Variants in UGT1A10 observed in about 807,000 individuals in gnomAD.
The protein encoded by UGT1A10 is UDP glucuronosyltransferase family 1 member A10, also known as UDP-glucuronosyltransferase 1A10.
A neutral mutation model predicts 45.8 loss-of-function variants in UGT1A10; 49 were observed. The ratio of observed to expected loss-of-function variants is 1.07; its 90% confidence interval spans 0.85 to 1.36. The LOEUF (loss-of-function observed/expected upper bound fraction) is 1.36, where lower values mean the gene tolerates loss of function less well. Ranked by LOEUF, UGT1A10 falls within the 40% of genes most tolerant of loss-of-function variation. The pLI, the probability that UGT1A10 is intolerant of heterozygous loss-of-function variation, is 0.00. For missense variants in UGT1A10, 745 were observed against 668.6 expected, an observed-to-expected ratio of 1.11 and a Z score of -1.26; for synonymous variants, 284 against 249.7, an observed-to-expected ratio of 1.14 and a Z score of -1.29.
At chr2:233,748,877 GAAT>G (rs1390549231) in intron 1 of UGT1A10, among the ~76,000 whole-genome samples, 4 of 151,560 alleles carry the variant, frequency 2.6e-5, no homozygotes, top group Non-Finnish European at 4.4e-5. Flanking sequence ...GGACGGTGAT[GAAT>G]GGACATGTGT....
chr2:233,669,631 G>A lies in UGT1A10; in HGVS notation c.855+32254G>A, dbSNP rs114850020. 3.1e-3 allele frequency among the ~76,000 whole-genome samples: 474 copies of A among 152,228 alleles called. 4 individuals carry two copies. The highest frequency in any genetic ancestry group is 0.011 in the African/African-American group (452 of 41,544). ...GACCCTTGAAGAATGTGAGGATTGA[G>A]GTACCAACCCCCGAGCAGTAAAAAA... On this transcript the variant is annotated intron_variant, in intron 1 of 4. Coordinates refer to ENST00000344644, the MANE Select transcript of UGT1A10 (RefSeq NM_019075.4).
chr2:233,693,721 A>G (rs747606034), intron 1 of UGT1A10: 3 of 1,614,178 alleles, frequency 1.9e-6, no homozygotes, highest in Non-Finnish European at 2.5e-6. Context: ...TCCTCAAGAG[A>G]GATGTGGATA....
intron 1 of UGT1A10, chr2:233,691,728 C>A: frequency 1.2e-6 from 1 of 804,008 alleles, no homozygotes; most frequent in Non-Finnish European, 1.5e-6. Context: ...GGTGGCTGGG[C>A]CAGAAGCAGA....
At chr2:233,768,733 C>T (rs748503352) in intron 4 of UGT1A10, among the ~76,000 whole-genome samples, 3 of 151,708 alleles carry the variant, frequency 2.0e-5, no homozygotes, top group Admixed American at 6.6e-5. Context: ...CAGGTGTCCA[C>T]CACCACGCCC....
rs1692738477 is a variant in UGT1A10, at chr2:233,744,224, A to C, written c.856-22810A>C. Reference sequence around the variant, plus strand: ...ATGGGAAAAAGAGGTTGGGGAAAAGAGAGGGCCTTGACTTTGGCTGCCTGA... The same window carrying C: ...ATGGGAAAAAGAGGTTGGGGAAAAGCGAGGGCCTTGACTTTGGCTGCCTGA... On this transcript the variant is annotated intron_variant, in intron 1 of 4. Coordinates refer to ENST00000344644, the MANE Select transcript of UGT1A10 (RefSeq NM_019075.4). 1.3e-5 allele frequency among the ~76,000 whole-genome samples: 2 copies of C among 151,816 alleles called. 1 individual carries two copies. Among genetic ancestry groups the C allele is most frequent in the African/African-American group, 4.9e-5 (2 of 41,070 alleles).
intron 1 of UGT1A10, among the ~76,000 whole-genome samples, chr2:233,646,097 A>G (rs2073594623): frequency 6.6e-6 from 1 of 152,198 alleles, no homozygotes; most frequent in South Asian, 2.1e-4. Flanking sequence ...CCCACATGGA[A>G]GCTGCCAAGG....
chr2:233,742,383 G>T (rs1224558474), intron 1 of UGT1A10, among the ~76,000 whole-genome samples: 1 of 151,994 alleles, frequency 6.6e-6, no homozygotes, highest in African/African-American at 2.4e-5. Flanking sequence ...AGGCACAGAT[G>T]GCTCATGTTA....
At chr2:233,690,491 C>G in intron 1 of UGT1A10, 2 of 1,289,678 alleles carry the variant, frequency 1.6e-6, no homozygotes, top group South Asian at 2.5e-5. Context: ...GAAATCTGCT[C>G]TTGCCAACAG....
At chr2:233,687,268 C>T (rs1040651749) in intron 1 of UGT1A10, among the ~76,000 whole-genome samples, 18 of 152,168 alleles carry the variant, frequency 1.2e-4, no homozygotes, top group Non-Finnish European at 2.4e-4. Flanking sequence ...ACCATGCATT[C>T]AGACTCTCTT....
intron 1 of UGT1A10, among the ~76,000 whole-genome samples, chr2:233,659,203 ATT>A (rs1312792265): frequency 1.3e-5 from 2 of 152,156 alleles, no homozygotes; most frequent in Admixed American, 6.6e-5. Flanking sequence ...TCAATTTGCA[ATT>A]GTTCATTGCT....
intron 1 of UGT1A10, among the ~76,000 whole-genome samples, chr2:233,714,978 C>T (rs1467606775): frequency 1.3e-5 from 2 of 152,150 alleles, no homozygotes; most frequent in African/African-American, 4.8e-5. Context: ...CCAGGTTCAA[C>T]TGATTCTCCT....
chr2:233,682,893 G>A, intron 1 of UGT1A10: 19 of 1,506,370 alleles, frequency 1.3e-5, no homozygotes, highest in Non-Finnish European at 1.6e-5. Context: ...GTCCCATTTG[G>A]AATTTCTTTC....
Position 233,653,762 on chromosome 2 carries a change from A to G in UGT1A10, c.855+16385A>G, listed in dbSNP as rs527308854. Among the ~76,000 whole-genome samples the G allele has an allele frequency of 3.9e-4, 60 of 152,224 alleles. 1 individual carries two copies. The highest frequency in any genetic ancestry group is 1.4e-3 in the African/African-American group (60 of 41,536). ...CAGATGCCCACCACCACAGTCAGCA[A>G]ATTTTTGTATTTTTAGTAGACATGG... On this transcript the variant is annotated intron_variant, in intron 1 of 4. Transcript: ENST00000344644.
intron 1 of UGT1A10, chr2:233,743,896 C>A: frequency 3.7e-6 from 5 of 1,366,934 alleles, no homozygotes; most frequent in Non-Finnish European, 4.9e-6. Flanking sequence ...GCACGTCCAG[C>A]ACCTCGTAGT....
intron 1 of UGT1A10, among the ~76,000 whole-genome samples, chr2:233,725,404 A>G (rs1338986441): frequency 1.3e-5 from 2 of 151,736 alleles, no homozygotes; most frequent in African/African-American, 4.9e-5. Flanking sequence ...TTGATGGTCT[A>G]ATACAGAATT....
At chr2:233,746,276 T>A (rs1693346507) in intron 1 of UGT1A10, among the ~76,000 whole-genome samples, 1 of 151,642 alleles carries the variant, frequency 6.6e-6, no homozygotes, top group African/African-American at 2.4e-5. Flanking sequence ...GCTGTGGGGA[T>A]TCAAGGAAGG....
intron 1 of UGT1A10, chr2:233,648,904 T>C: frequency 2.2e-6 from 3 of 1,337,534 alleles, no homozygotes; most frequent in African/African-American, 1.5e-5. Flanking sequence ...ATATGATCTC[T>C]ACAGCCACAC....
At chr2:233,665,751 T>A (rs1332581449) in intron 1 of UGT1A10, among the ~76,000 whole-genome samples, 2 of 152,190 alleles carry the variant, frequency 1.3e-5, no homozygotes, top group Non-Finnish European at 1.5e-5. Context: ...ACAGAAAATT[T>A]AAAAATACAC....
chr2:233,722,033 A>T (rs915638296), intron 1 of UGT1A10: 1 of 246,466 alleles, frequency 4.1e-6, no homozygotes, highest in Non-Finnish European at 8.1e-6. Flanking sequence ...CTTGAATTGC[A>T]TGATTTTGTG....
Sources: gnomAD v4.1 joint callset for allele counts (sites outside exome capture counted in the v4.1 genomes callset) on GRCh38, gnomAD v4.1.1 for gene constraint, MANE v1.5 for transcripts, NCBI Gene and HGNC (gene_info 2026-07-23, HGNC 2026-07-21) for gene names.